CD99: variants seen among roughly 807,000 people sequenced by gnomAD.
CD99 encodes the protein CD99 antigen.
Under a neutral mutation model 28.4 loss-of-function variants are expected in CD99, and 19 were observed. That is an observed-to-expected ratio of 0.67 (90% confidence interval 0.47 to 0.98). CD99 has a LOEUF of 0.98. Ranked by LOEUF, CD99 falls within the 50% of genes least tolerant of loss-of-function variation. CD99 has a pLI of 0.00. For synonymous variants in CD99, 103 were observed against 92.1 expected, an observed-to-expected ratio of 1.12 and a Z score of -0.67; for missense variants, 283 against 248.8, an observed-to-expected ratio of 1.14 and a Z score of -0.92.
intron 8 of CD99, among the ~76,000 whole-genome samples, chrX:2,734,205 T>G (rs1266251229): frequency 2.0e-5 from 3 of 151,868 alleles, no homozygotes; most frequent in African/African-American, 7.2e-5. Context: ...TTTCTTATTT[T>G]TTTCTTTCTT....
chrX:2,735,120 C>A (rs185192438), intron 8 of CD99, among the ~76,000 whole-genome samples: 270 of 152,270 alleles, frequency 1.8e-3, no homozygotes, highest in African/African-American at 6.3e-3. Context: ...TGCGTGTTTC[C>A]CAGAGTGTCT....
At chrX:2,729,733 C>A (rs1402369522) in intron 8 of CD99, among the ~76,000 whole-genome samples, 2 of 152,134 alleles carry the variant, frequency 1.3e-5, no homozygotes, top group Non-Finnish European at 2.9e-5. Flanking sequence ...ACCTTATCCG[C>A]CCCGCCACCC....
chrX:2,731,400 G>A (rs1331522637), intron 8 of CD99, among the ~76,000 whole-genome samples: 3 of 152,174 alleles, frequency 2.0e-5, no homozygotes, highest in Non-Finnish European at 4.4e-5. Context: ...GACCAGCCTG[G>A]CCAACATGGT....
chrX:2,726,391 G>C lies in CD99; in HGVS notation c.475+18G>C, dbSNP rs776422023. 1.4e-6 allele frequency: 2 copies of C among 1,456,358 alleles called. No individual in the cohort carries two copies. The highest frequency in any genetic ancestry group is 2.8e-5 in the African/African-American group (2 of 71,918). 90.2% of individuals were successfully genotyped at this position (1,456,358 alleles called of 1,614,324 possible). On this transcript the variant is annotated intron_variant, in intron 8 of 9. Coordinates refer to ENST00000381192, the MANE Select transcript of CD99 (RefSeq NM_002414.5). ...AGAAAATGGTAAGTCTCAGTCCGCCGGTGCCTCTCCTTCATGCCTTGCTGA... is the reference window on the plus strand; with the variant it reads ...AGAAAATGGTAAGTCTCAGTCCGCCCGTGCCTCTCCTTCATGCCTTGCTGA...
rs311081 is a variant in CD99, at chrX:2,719,780, T to A, written c.193+75T>A. ...CCAATTATGATCATTTCAGAGAGAA[T>A]TCTCCCATTTAAATTATAAAGGGAA... On this transcript the variant is annotated intron_variant, in intron 4 of 9. Coordinates refer to ENST00000381192, the MANE Select transcript of CD99 (RefSeq NM_002414.5). 5.9e-3 allele frequency: 8,555 copies of A among 1,459,078 alleles called. 401 individuals carry two copies. The African/African-American group carries it at 0.1, about 18-fold the overall frequency. 90.4% of individuals were successfully genotyped at this position (1,459,078 alleles called of 1,614,324 possible).
At chrX:2,717,495 A>G (rs1212164895) in intron 2 of CD99, 110 bp from the exon 3 acceptor site, 11 of 909,288 alleles carry the variant, frequency 1.2e-5, no homozygotes, top group African/African-American at 1.2e-4. Flanking sequence ...ACAATGCTAA[A>G]AACATTCTCC....
In CD99 at chrX:2,717,636, C is replaced by T; in HGVS notation, c.132C>T (p.Pro44=). 1 of 1,613,720 alleles carries T rather than the reference C, an allele frequency of 6.2e-7. No homozygotes were observed. Among genetic ancestry groups the T allele is most frequent in the Non-Finnish European group, 8.5e-7 (1 of 1,179,668 alleles). ...DNENKKPTAI[P]KKPSAGDDFD... The stretch of plus-strand genomic sequence containing the variant: ...AAAACAAGAAACCCACTGCAATCCC[C>T]AAGAAACCCAGTGCTGGTGAGAAGG... Residue 44 remains proline, a synonymous_variant, in exon 3 of 10, where the codon CCC becomes CCT. Coordinates refer to ENST00000381192, the MANE Select transcript of CD99 (RefSeq NM_002414.5).
At chrX:2,709,288 A>G (rs2048271900) in intron 1 of CD99, among the ~76,000 whole-genome samples, 1 of 108,812 alleles carries the variant, frequency 9.2e-6, no homozygotes, top group African/African-American at 2.7e-5. Context: ...ACGTGAGCAC[A>G]CATGAAAACA....
intron 8 of CD99, 162 bp downstream of exon 8, chrX:2,726,535 T>C: frequency 2.9e-6 from 2 of 697,908 alleles, no homozygotes; most frequent in East Asian, 2.7e-5. Flanking sequence ...CTTCTGGCTT[T>C]GATTTCAGGG....
At chrX:2,732,806 CTT>C (rs887436580) in intron 8 of CD99, among the ~76,000 whole-genome samples, 3 of 147,392 alleles carry the variant, frequency 2.0e-5, no homozygotes, top group African/African-American at 7.5e-5. Context: ...TCCTTCCTTT[CTT>C]TTTTTCCTCT....
intron 2 of CD99, chrX:2,715,683 T>C (rs1368879025): frequency 6.6e-6 from 1 of 150,766 alleles, no homozygotes; most frequent in East Asian, 2.0e-4. Flanking sequence ...CACTGCTCAA[T>C]CCACTGCAGT....
At chrX:2,728,542 C>A (rs1484402344) in intron 8 of CD99, among the ~76,000 whole-genome samples, 1 of 152,048 alleles carries the variant, frequency 6.6e-6, no homozygotes, top group Non-Finnish European at 1.5e-5. Context: ...CCCAAATGGA[C>A]AGATGACCAC....
chrX:2,705,370 C>T (rs918727850), intron 1 of CD99, among the ~76,000 whole-genome samples: 1 of 152,320 alleles, frequency 6.6e-6, no homozygotes, highest in African/African-American at 2.4e-5. Context: ...TGGTGTATTC[C>T]TGAAACTATT....
intron 8 of CD99, among the ~76,000 whole-genome samples, chrX:2,729,693 A>T (rs1346457000): frequency 6.6e-6 from 1 of 152,118 alleles, no homozygotes. Context: ...TTGAAATAGA[A>T]TTGGGAAAAG....
At chrX:2,725,527 C>A (rs2049231470) in intron 7 of CD99, among the ~76,000 whole-genome samples, 1 of 152,184 alleles carries the variant, frequency 6.6e-6, no homozygotes, top group Non-Finnish European at 1.5e-5. Context: ...GGCAAATGCC[C>A]CAAGCATTGC....
chrX:2,720,897 A>G (rs2048964056), intron 5 of CD99, among the ~76,000 whole-genome samples: 1 of 152,172 alleles, frequency 6.6e-6, no homozygotes, highest in African/African-American at 2.4e-5. Context: ...AAGTGCTGGG[A>G]TGACAGGTGT....
chrX:2,700,920 A>C (rs1023284124), intron 1 of CD99, among the ~76,000 whole-genome samples: 6 of 119,308 alleles, frequency 5.0e-5, no homozygotes, highest in Admixed American at 1.7e-4. Flanking sequence ...CACCCACCCA[A>C]CCATCCATCC....
chrX:2,729,989 C>CA (rs1206854953), intron 8 of CD99, among the ~76,000 whole-genome samples: 2 of 151,702 alleles, frequency 1.3e-5, no homozygotes, highest in Non-Finnish European at 2.9e-5. Flanking sequence ...CTCATCTCTA[C>CA]AAAAAATGTA....
intron 1 of CD99, among the ~76,000 whole-genome samples, chrX:2,693,219 T>C (rs2047416851): frequency 6.6e-6 from 1 of 151,906 alleles, no homozygotes; most frequent in South Asian, 2.1e-4. Context: ...GTCGGCTCAT[T>C]GGCGTTGCAC....
Sources: gnomAD v4.1 joint callset for allele counts (sites outside exome capture counted in the v4.1 genomes callset) on GRCh38, gnomAD v4.1.1 for gene constraint, MANE v1.5 for transcripts, NCBI Gene and HGNC (gene_info 2026-07-23, HGNC 2026-07-21) for gene names.